Variants in CAPN13 observed in about 807,000 individuals in gnomAD.
CAPN13 encodes calpain-13.
A neutral mutation model predicts 98.4 loss-of-function variants in CAPN13; 90 were observed. That is an observed-to-expected ratio of 0.92 (90% CI 0.77 to 1.09). The LOEUF (loss-of-function observed/expected upper bound fraction) is 1.09, where lower values mean the gene tolerates loss of function less well. Ranked by LOEUF, CAPN13 falls within the 50% of genes least tolerant of loss-of-function variation. CAPN13 has a pLI of 0.00. For synonymous variants in CAPN13, 330 were observed against 305.5 expected, an observed-to-expected ratio of 1.08 and a Z score of -0.84; for missense variants, 887 against 841.3, an observed-to-expected ratio of 1.05 and a Z score of -0.67.
chr2:30,731,518 T>C, intron 20 of CAPN13, 119 bp from the exon 21 acceptor site: 1 of 795,082 alleles, frequency 1.3e-6, no homozygotes, highest in South Asian at 2.0e-5. Flanking sequence ...CAGCCCCTCC[T>C]GCTCCGCGGG....
chr2:30,769,072 G>A (rs760720699), intron 5 of CAPN13, among the ~76,000 whole-genome samples: 74 of 152,130 alleles, frequency 4.9e-4, no homozygotes, highest in Non-Finnish European at 7.2e-4. Context: ...TCTAAGGACT[G>A]TCCCAGTCAC....
chr2:30,725,685 C>G (rs61367478), intron 22 of CAPN13, among the ~76,000 whole-genome samples: 4 of 152,140 alleles, frequency 2.6e-5, no homozygotes, highest in African/African-American at 9.7e-5. Flanking sequence ...TGGATCGAAT[C>G]CTGGCTAACG....
chr2:30,773,116 G>A (rs1259281904), intron 4 of CAPN13, among the ~76,000 whole-genome samples: 3 of 152,174 alleles, frequency 2.0e-5, no homozygotes, highest in Admixed American at 6.5e-5. Context: ...GAGCCACTGC[G>A]CCTGGCCAGC....
chr2:30,776,399 G>A (rs751345873), intron 3 of CAPN13, among the ~76,000 whole-genome samples: 1 of 152,072 alleles, frequency 6.6e-6, no homozygotes, highest in East Asian at 1.9e-4. Context: ...TTTTAGTGGA[G>A]ACAGGGTTTC....
At chr2:30,730,876 A>G in intron 21 of CAPN13, 90 bp from the exon 22 acceptor site, 1 of 766,184 alleles carries the variant, frequency 1.3e-6, no homozygotes, top group East Asian at 2.4e-5. Context: ...CCCTCGGAAG[A>G]CCTCAGTCCA....
rs1341732464 is a variant in CAPN13, at chr2:30,739,030, C to G, written c.1537-573G>C. Among the ~76,000 whole-genome samples the G allele has an allele frequency of 5.9e-5, 9 of 152,278 alleles. No individual in the cohort carries two copies. In the East Asian group the frequency reaches 1.5e-3, roughly 26 times the overall value. On this transcript the variant is annotated intron_variant, in intron 15 of 22. Transcript: ENST00000295055. Reference sequence around the variant, plus strand: ...GCAAAAAGGGAGACATCATGGTTTTCTTCGGATTAAGAGCAGGAAGCAATT... The same window carrying G: ...GCAAAAAGGGAGACATCATGGTTTTGTTCGGATTAAGAGCAGGAAGCAATT...
chr2:30,756,239 C>G (rs1672438998), intron 8 of CAPN13, among the ~76,000 whole-genome samples: 1 of 152,202 alleles, frequency 6.6e-6, no homozygotes, highest in Non-Finnish European at 1.5e-5. Context: ...CCAGCACTCT[C>G]TCTCCCAGTT....
chr2:30,769,330 G>A (rs1046256035), intron 5 of CAPN13, among the ~76,000 whole-genome samples: 9 of 152,116 alleles, frequency 5.9e-5, no homozygotes, highest in Non-Finnish European at 8.8e-5. Flanking sequence ...ACTCCCTCCC[G>A]TGCTGTTGGA....
At chr2:30,750,442 A>AC (rs1393139308) in intron 11 of CAPN13, among the ~76,000 whole-genome samples, 1 of 152,068 alleles carries the variant, frequency 6.6e-6, no homozygotes, top group Admixed American at 6.5e-5. Context: ...CTTCACATGT[A>AC]CCCCCAAACC....
chr2:30,750,959 C>A (rs1879283), intron 11 of CAPN13, 144 bp downstream of exon 11: 389,294 of 886,442 alleles, frequency 0.44, 87,792 homozygotes, highest in African/African-American at 0.53. Flanking sequence ...TAGACTTGGA[C>A]TGCATGAATG....
At chr2:30,754,539 A>T (rs1672343856) in intron 8 of CAPN13, among the ~76,000 whole-genome samples, 175 bp from the exon 9 acceptor site, 1 of 152,096 alleles carries the variant, frequency 6.6e-6, no homozygotes, top group Non-Finnish European at 1.5e-5. Flanking sequence ...ACTTCCAAAC[A>T]TCTGTCCCCA....
intron 18 of CAPN13, among the ~76,000 whole-genome samples, chr2:30,735,531 T>C (rs1295817394): frequency 3.3e-5 from 5 of 152,184 alleles, no homozygotes; most frequent in East Asian, 1.9e-4. Context: ...TGATTCAGCA[T>C]TTTGAACCCC....
intron 1 of CAPN13, among the ~76,000 whole-genome samples, chr2:30,802,191 T>C (rs2148117713): frequency 2.0e-5 from 3 of 151,928 alleles, no homozygotes; most frequent in Middle Eastern, 3.4e-3. Flanking sequence ...TGGAGACAAA[T>C]CCAGTAGTAC....
At chr2:30,762,937 G>T in intron 7 of CAPN13, 145 bp downstream of exon 7, 1 of 566,474 alleles carries the variant, frequency 1.8e-6, no homozygotes, top group Non-Finnish European at 3.0e-6. Context: ...GGCTGTCCAT[G>T]GTGCATGTCA....
intron 1 of CAPN13, among the ~76,000 whole-genome samples, chr2:30,797,476 C>T (rs1674944242): frequency 6.6e-6 from 1 of 152,186 alleles, no homozygotes; most frequent in African/African-American, 2.4e-5. Context: ...AGCCTCCTTT[C>T]CTTACCTATA....
At chr2:30,773,916 C>T (rs945996597) in intron 4 of CAPN13, among the ~76,000 whole-genome samples, 8 of 152,166 alleles carry the variant, frequency 5.3e-5, no homozygotes, top group Non-Finnish European at 8.8e-5. Context: ...GTCCATGAGC[C>T]ATTTATAAAA....
chr2:30,730,899 C>T (rs1163606731), intron 21 of CAPN13, 113 bp from the exon 22 acceptor site: 6 of 735,034 alleles, frequency 8.2e-6, no homozygotes, highest in Admixed American at 1.8e-5. Context: ...CTCATCACCC[C>T]TTCCAGCTAA....
chr2:30,779,539 A>T (rs774489182), intron 2 of CAPN13, among the ~76,000 whole-genome samples: 2 of 152,186 alleles, frequency 1.3e-5, no homozygotes, highest in Non-Finnish European at 2.9e-5. Flanking sequence ...GATGTGAAAT[A>T]CTTAGCGCAG....
At chr2:30,743,888 A>G (rs1671783162) in intron 12 of CAPN13, among the ~76,000 whole-genome samples, 1 of 152,192 alleles carries the variant, frequency 6.6e-6, no homozygotes, top group African/African-American at 2.4e-5. Context: ...CTTCCATGGA[A>G]ACTAGTGACA....
Sources: allele counts gnomAD v4.1 joint callset (sites outside exome capture counted in the v4.1 genomes callset), GRCh38; gene constraint gnomAD v4.1.1; transcripts MANE v1.5; gene names NCBI Gene and HGNC (gene_info 2026-07-23, HGNC 2026-07-21).